FLRT1: variants seen among roughly 807,000 people sequenced by gnomAD.
FLRT1 encodes the protein leucine-rich repeat transmembrane protein FLRT1.
In FLRT1, 14 loss-of-function variants were observed where a neutral mutation model predicts 30.9. The ratio of observed to expected loss-of-function variants is 0.45; its 90% CI spans 0.30 to 0.71. The LOEUF is 0.71. FLRT1 is among the 30% of genes least tolerant of loss of function. The pLI is 0.08. For synonymous variants in FLRT1, 368 were observed against 430.4 expected (o/e 0.85, Z 1.80); for missense variants, 737 against 949.2 (o/e 0.78, Z 2.94).
intron 1 of FLRT1, among the ~76,000 whole-genome samples, chr11:64,044,350 C>T (rs1048329962): frequency 2.0e-5 from 3 of 151,188 alleles, no homozygotes; most frequent in Non-Finnish European, 1.5e-5. Context: ...CTTTTGGGCT[C>T]AAGTGATCCT....
chr11:64,089,009 C>G (rs1944443095), intron 1 of FLRT1, among the ~76,000 whole-genome samples: 1 of 152,134 alleles, frequency 6.6e-6, no homozygotes, highest in Non-Finnish European at 1.5e-5. Context: ...ACCGAAGCCA[C>G]TGGGAGGGCC....
chr11:64,058,162 G>A (rs1211880309), intron 1 of FLRT1, among the ~76,000 whole-genome samples: 1 of 152,246 alleles, frequency 6.6e-6, no homozygotes, highest in Non-Finnish European at 1.5e-5. Context: ...GATAGACGGT[G>A]GAATGCTGTC....
chr11:64,060,273 A>G (rs951266529), intron 1 of FLRT1, among the ~76,000 whole-genome samples: 12 of 152,210 alleles, frequency 7.9e-5, no homozygotes, highest in African/African-American at 2.9e-4. Flanking sequence ...GAGCTCCGGG[A>G]GCGGCGGGAG....
chr11:64,076,770 T>C (rs1944209466), intron 1 of FLRT1, among the ~76,000 whole-genome samples: 1 of 152,166 alleles, frequency 6.6e-6, no homozygotes, highest in African/African-American at 2.4e-5. Context: ...TTGGCAGAGC[T>C]AGCTAAGGTG....
intron 1 of FLRT1, among the ~76,000 whole-genome samples, chr11:64,073,001 G>T (rs187182274): frequency 2.0e-5 from 3 of 152,316 alleles, no homozygotes; most frequent in East Asian, 3.9e-4. Flanking sequence ...GCCCAGAGAG[G>T]GGTCGGGACC....
At chr11:64,076,389 C>T (rs1163986026) in intron 1 of FLRT1, among the ~76,000 whole-genome samples, 1 of 152,194 alleles carries the variant, frequency 6.6e-6, no homozygotes, top group African/African-American at 2.4e-5. Context: ...TGATTGTCTC[C>T]AGTGCCCACA....
At chr11:64,114,604 CAGAT>C (rs1944940682) in intron 2 of FLRT1, among the ~76,000 whole-genome samples, 3 of 127,006 alleles carry the variant, frequency 2.4e-5, no homozygotes, top group South Asian at 5.2e-4. Context: ...GGATGGTGGA[CAGAT>C]GGATGGATGG....
intron 1 of FLRT1, among the ~76,000 whole-genome samples, chr11:64,058,041 G>A (rs963171693): frequency 6.6e-5 from 10 of 152,212 alleles, no homozygotes; most frequent in African/African-American, 1.7e-4. Context: ...TGAGTAATGC[G>A]CAATGTAATC....
chr11:64,118,094 C>G lies in FLRT1; in HGVS notation c.1827C>G (p.Asn609Lys), dbSNP rs767312186. The change falls in exon 3 of 3, where the codon AAC becomes AAG. Residue 609 changes from asparagine (N) to lysine (K), a missense_variant. By Grantham distance (94) the Asn-to-Lys change is moderately conservative. Transcript: ENST00000682287. ...TGGAGTCAGGGACCAAGAAGGATAACTCCATCCTGGAAATCCGCGGCCCTG... is the reference window on the plus strand; with the variant it reads ...TGGAGTCAGGGACCAAGAAGGATAAGTCCATCCTGGAAATCCGCGGCCCTG... ...DYMESGTKKD[N>K]SILEIRGPGL... is the part of the protein sequence containing the mutation. 6.2e-7 allele frequency: 1 copy of G among 1,611,752 alleles called. No homozygotes were observed. The highest frequency in any genetic ancestry group is 8.5e-7 in the Non-Finnish European group (1 of 1,178,336).
At chr11:64,095,162 C>T (rs1944555231) in intron 1 of FLRT1, among the ~76,000 whole-genome samples, 1 of 152,214 alleles carries the variant, frequency 6.6e-6, no homozygotes, top group Non-Finnish European at 1.5e-5. Flanking sequence ...ATTCCACTCT[C>T]GTGTGAGGTG....
intron 1 of FLRT1, among the ~76,000 whole-genome samples, chr11:64,085,361 C>T (rs896315532): frequency 6.6e-5 from 10 of 152,234 alleles, no homozygotes; most frequent in South Asian, 6.2e-4. Flanking sequence ...AAATCGAATT[C>T]GTGCTAATAT....
intron 1 of FLRT1, among the ~76,000 whole-genome samples, chr11:64,049,945 G>C (rs1464469017): frequency 6.6e-6 from 1 of 152,234 alleles, no homozygotes; most frequent in Non-Finnish European, 1.5e-5. Context: ...ACCTCTCTCA[G>C]AGCCCTCTTG....
chr11:64,100,312 C>A (rs1414719391), intron 1 of FLRT1, among the ~76,000 whole-genome samples: 2 of 152,200 alleles, frequency 1.3e-5, no homozygotes, highest in Admixed American at 6.5e-5. Flanking sequence ...TTTCAAATTT[C>A]TTTTAATACA....
intron 1 of FLRT1, among the ~76,000 whole-genome samples, chr11:64,044,490 C>T (rs1032613292): frequency 6.6e-6 from 1 of 152,158 alleles, no homozygotes; most frequent in Non-Finnish European, 1.5e-5. Flanking sequence ...CTCAAGCGAT[C>T]CTCCCGCCTT....
chr11:64,075,964 G>A (rs1352563499), intron 1 of FLRT1, among the ~76,000 whole-genome samples: 2 of 152,226 alleles, frequency 1.3e-5, no homozygotes, highest in Non-Finnish European at 2.9e-5. Context: ...GTGGGCCACT[G>A]TGCCCGGCCT....
At chr11:64,098,209 C>G (rs759779288) in intron 1 of FLRT1, among the ~76,000 whole-genome samples, 3 of 152,208 alleles carry the variant, frequency 2.0e-5, no homozygotes, top group East Asian at 1.9e-4. Flanking sequence ...CAGCCTCCCC[C>G]CTGCCCTTGT....
Position 64,118,532 on chromosome 11 carries a change from C to T in FLRT1, c.*240C>T. 1 of 458,778 alleles carries T rather than the reference C, an allele frequency of 2.2e-6. No individual in the cohort carries two copies. 28.4% of individuals were successfully genotyped at this position (458,778 alleles called of 1,614,324 possible). The stretch of plus-strand genomic sequence containing the variant: ...GACATTGTTGAAGACATAATTTATA[C>T]CAAGTTATGCCAGTTGGGGAGGGAA... On this transcript the variant is annotated 3_prime_UTR_variant, in exon 3 of 3. Transcript: ENST00000682287.
intron 1 of FLRT1, among the ~76,000 whole-genome samples, chr11:64,088,679 C>T (rs1293591172): frequency 6.6e-6 from 1 of 152,192 alleles, no homozygotes; most frequent in African/African-American, 2.4e-5. Flanking sequence ...AGTCACTCGA[C>T]CCCTCTGGGT....
chr11:64,117,362 C>T lies in FLRT1; in HGVS notation c.1095C>T (p.Gly365=). The T allele has an allele frequency of 6.2e-7, 1 of 1,613,412 alleles. No individual in the cohort carries two copies. The highest frequency in any genetic ancestry group is 2.2e-5 in the East Asian group (1 of 44,876). The change falls in exon 3 of 3, where the codon GGC becomes GGT. Residue 365 remains glycine, a synonymous_variant. Coordinates refer to ENST00000682287, the MANE Select transcript of FLRT1 (RefSeq NM_013280.5). ...LMCQGPEKVR[G]MAIKDITSEM... ...GCCAGGGCCCTGAGAAGGTCCGGGGCATGGCCATCAAGGACATTACCAGCG... is the reference window on the plus strand; with the variant it reads ...GCCAGGGCCCTGAGAAGGTCCGGGGTATGGCCATCAAGGACATTACCAGCG...
Sources: gnomAD v4.1 joint callset for allele counts (sites outside exome capture counted in the v4.1 genomes callset) on GRCh38, gnomAD v4.1.1 for gene constraint, MANE v1.5 for transcripts, NCBI Gene and HGNC (gene_info 2026-07-23, HGNC 2026-07-21) for gene names.